Variants in SOX5 observed in about 807,000 individuals in gnomAD.
The protein encoded by SOX5 is SRY-box transcription factor 5.
A neutral mutation model predicts 92.0 loss-of-function variants in SOX5; 9 were observed. The ratio of observed to expected loss-of-function variants is 0.10; its 90% CI spans 0.06 to 0.17. The LOEUF is 0.17. Ranked by LOEUF, SOX5 falls within the 10% of genes least tolerant of loss-of-function variation. SOX5 has a pLI of 1.00. For missense variants in SOX5, 642 were observed against 944.5 expected (o/e 0.68, Z 4.20); for synonymous variants, 344 against 336.3 (o/e 1.02, Z -0.25).
chr12:24,525,996 A>G (rs757802029), intron 1 of SOX5, among the ~76,000 whole-genome samples: 1 of 151,970 alleles, frequency 6.6e-6, no homozygotes, highest in Non-Finnish European at 1.5e-5. Context: ...TCAGCCTCCA[A>G]AGTAGCTGGG....
chr12:23,838,710 C>T (rs746992032), intron 3 of SOX5, among the ~76,000 whole-genome samples: 24 of 152,064 alleles, frequency 1.6e-4, no homozygotes, highest in African/African-American at 2.4e-5. Flanking sequence ...TTCTCATGTT[C>T]AGGTACAATA....
chr12:23,963,765 T>TAAAA (rs60053598), intron 4 of SOX5, among the ~76,000 whole-genome samples: 22,160 of 125,670 alleles, frequency 0.18, 2,458 homozygotes, highest in Non-Finnish European at 0.21. Context: ...ATGAATGAAG[T>TAAAA]AAAAAAAAAA....
intron 11 of SOX5, among the ~76,000 whole-genome samples, chr12:23,556,009 A>C (rs536893864): frequency 6.6e-6 from 1 of 152,252 alleles, no homozygotes; most frequent in African/African-American, 2.4e-5. Context: ...TGACATACAG[A>C]GTGATGGATG....
intron 7 of SOX5, among the ~76,000 whole-genome samples, chr12:23,649,169 A>G (rs1339272340): frequency 6.6e-6 from 1 of 152,130 alleles, no homozygotes; most frequent in Admixed American, 6.6e-5. Context: ...AATTCAAAAT[A>G]TATTACATGG....
In SOX5 at chr12:24,346,346, A is replaced by G. The variant is rs191245869; in HGVS notation, c.-174+22217T>C. ...AAAGGAGGATAAAATTTCCAAACATATATGAAATAGAAAAATGTACTATGC... is the reference window on the plus strand; with the variant it reads ...AAAGGAGGATAAAATTTCCAAACATGTATGAAATAGAAAAATGTACTATGC... On this transcript the variant is annotated intron_variant, in intron 2 of 4. Coordinates refer to the SOX5 transcript ENST00000446891. Among the ~76,000 whole-genome samples, 5 of 152,340 alleles carry G rather than the reference A, an allele frequency of 3.3e-5. 1 individual carries two copies. Among genetic ancestry groups the G allele is most frequent in the Non-Finnish European group, 7.3e-5 (5 of 68,030 alleles).
chr12:23,797,556 C>T (rs1355514624), intron 3 of SOX5, among the ~76,000 whole-genome samples: 1 of 151,970 alleles, frequency 6.6e-6, no homozygotes, highest in African/African-American at 2.4e-5. Context: ...TAGAGTAGGT[C>T]CTAATGGATC....
intron 2 of SOX5, among the ~76,000 whole-genome samples, chr12:23,877,137 A>C (rs893378495): frequency 1.6e-4 from 24 of 152,194 alleles, no homozygotes; most frequent in Admixed American, 1.4e-3. Flanking sequence ...AACTTAAAGT[A>C]TAATAAAAAA....
intron 4 of SOX5, among the ~76,000 whole-genome samples, chr12:24,179,392 TTTGAA>T (rs1955208864): frequency 1.3e-5 from 2 of 152,196 alleles, no homozygotes; most frequent in Non-Finnish European, 2.9e-5. Flanking sequence ...GAAATCATAC[TTTGAA>T]TTCTGATCTT....
chr12:24,453,022 C>T (rs975966769), intron 1 of SOX5, among the ~76,000 whole-genome samples: 6 of 152,136 alleles, frequency 3.9e-5, no homozygotes, highest in Non-Finnish European at 7.4e-5. Flanking sequence ...TTTTCCTTTG[C>T]ATTTAAAGTA....
intron 8 of SOX5, among the ~76,000 whole-genome samples, chr12:23,628,279 G>A: frequency 6.6e-6 from 1 of 151,954 alleles, no homozygotes; most frequent in African/African-American, 2.4e-5. Context: ...AAAATACTTG[G>A]AGCACATATT....
At chr12:24,093,365 C>CA (rs1048879125) in intron 4 of SOX5, among the ~76,000 whole-genome samples, 52 of 151,392 alleles carry the variant, frequency 3.4e-4, no homozygotes, top group South Asian at 6.2e-4. Context: ...ACTAAAAACA[C>CA]AAAAAAAACT....
intron 3 of SOX5, among the ~76,000 whole-genome samples, chr12:24,219,182 G>A (rs1388782720): frequency 6.6e-6 from 1 of 151,988 alleles, no homozygotes; most frequent in Non-Finnish European, 1.5e-5. Flanking sequence ...GGAATAAGAA[G>A]GGGATGATTA....
chr12:23,993,721 T>A (rs986913979), intron 4 of SOX5, among the ~76,000 whole-genome samples: 1 of 152,094 alleles, frequency 6.6e-6, no homozygotes, highest in African/African-American at 2.4e-5. Flanking sequence ...TGAGAAGACA[T>A]AGATATGAAA....
chr12:24,029,880 G>A (rs529198420), intron 4 of SOX5, among the ~76,000 whole-genome samples: 1 of 151,974 alleles, frequency 6.6e-6, no homozygotes, highest in East Asian at 1.9e-4. Context: ...TATGTGTAAT[G>A]CAAGAGTAAA....
intron 2 of SOX5, among the ~76,000 whole-genome samples, chr12:24,362,494 T>C (rs879801186): frequency 2.0e-5 from 3 of 152,188 alleles, no homozygotes; most frequent in Non-Finnish European, 4.4e-5. Flanking sequence ...CATTAATACT[T>C]AAGAGGGCGT....
At chr12:23,736,661 T>TA (rs113044961) in intron 5 of SOX5, among the ~76,000 whole-genome samples, 4,686 of 144,078 alleles carry the variant, frequency 0.033, 228 homozygotes, top group African/African-American at 0.11. Flanking sequence ...TGGAATATGG[T>TA]AAAAAAAAAA....
At chr12:24,560,236 CTAAA>C (rs1190406643) in intron 1 of SOX5, among the ~76,000 whole-genome samples, 1 of 152,126 alleles carries the variant, frequency 6.6e-6, no homozygotes, top group African/African-American at 2.4e-5. Context: ...ACACAAATAA[CTAAA>C]TAATTATGCA....
intron 8 of SOX5, among the ~76,000 whole-genome samples, chr12:23,636,077 T>C (rs2079193585): frequency 6.6e-6 from 1 of 152,202 alleles, no homozygotes; most frequent in Admixed American, 6.5e-5. Context: ...AATTTCTGTA[T>C]ATTTCCTCTT....
At chr12:23,724,459 T>C (rs1567241854) in intron 6 of SOX5, among the ~76,000 whole-genome samples, 1 of 152,202 alleles carries the variant, frequency 6.6e-6, no homozygotes, top group South Asian at 2.1e-4. Context: ...GATCATATTT[T>C]TTCCCTGTTT....
Sources: gnomAD v4.1 joint callset for allele counts (sites outside exome capture counted in the v4.1 genomes callset) on GRCh38, gnomAD v4.1.1 for gene constraint, MANE v1.5 for transcripts, NCBI Gene and HGNC (gene_info 2026-07-23, HGNC 2026-07-21) for gene names.